PAG1: variants seen among roughly 807,000 people sequenced by gnomAD.
PAG1 encodes phosphoprotein associated with glycosphingolipid-enriched microdomains 1.
In PAG1, 23 loss-of-function variants were observed where a neutral mutation model predicts 31.7. The observed-to-expected ratio is 0.73, with a 90% CI of 0.52 to 1.03. The LOEUF (loss-of-function observed/expected upper bound fraction) is 1.03. PAG1 is among the 50% of genes least tolerant of loss of function. PAG1 has a pLI of 0.00. For missense variants in PAG1, 473 were observed against 540.7 expected (o/e 0.87, Z 1.24); for synonymous variants, 214 against 210.3 (o/e 1.02, Z -0.15).
At position 80,985,271 on chromosome 8, in the gene PAG1, A is replaced by C. The variant is rs1215990659; in HGVS notation, c.381T>G (p.Cys127Trp). Residue 127 changes from cysteine to tryptophan, a missense_variant, in exon 7 of 9, where the codon TGT becomes TGG. Transcript: ENST00000220597. ...DSQDSTGKPK[C>W]HQSRELPRIP... is the part of the protein sequence containing the mutation. ...TTCTGGGCAGCTCCCGACTCTGATG[A>C]CATTTTGGTTTCCCTGTGCTGTCCT... is the stretch of plus-strand genomic sequence containing the variant. The C allele has an allele frequency of 4.3e-6, 7 of 1,614,160 alleles. No individual in the cohort carries two copies. Among genetic ancestry groups the C allele is most frequent in the Non-Finnish European group, 5.9e-6 (7 of 1,180,038 alleles).
chr8:81,086,623 G>C (rs1809363031), intron 1 of PAG1, among the ~76,000 whole-genome samples: 1 of 152,096 alleles, frequency 6.6e-6, no homozygotes, highest in Non-Finnish European at 1.5e-5. Context: ...CCTACGTATT[G>C]ATAAGAAAAA....
At chr8:81,023,222 G>C (rs114108573) in intron 3 of PAG1, among the ~76,000 whole-genome samples, 69 of 152,152 alleles carry the variant, frequency 4.5e-4, no homozygotes, top group African/African-American at 1.6e-3. Flanking sequence ...TTATTTAACA[G>C]TGATGTGCTA....
chr8:80,992,018 C>G (rs1807560759), intron 4 of PAG1, among the ~76,000 whole-genome samples: 1 of 152,114 alleles, frequency 6.6e-6, no homozygotes, highest in Non-Finnish European at 1.5e-5. Flanking sequence ...GAAAGTCTGT[C>G]AAGTAAAAAT....
chr8:81,005,250 C>T (rs931238288), intron 3 of PAG1, among the ~76,000 whole-genome samples: 2 of 152,118 alleles, frequency 1.3e-5, no homozygotes, highest in African/African-American at 4.8e-5. Context: ...ACCTCTTTGC[C>T]TGTGGCTGGC....
chr8:80,979,603 G>A (rs951531693), intron 8 of PAG1, among the ~76,000 whole-genome samples: 2 of 152,146 alleles, frequency 1.3e-5, no homozygotes, highest in East Asian at 1.9e-4. Context: ...AACATTCAAC[G>A]TGGGTGTCTA....
At chr8:81,016,181 A>T (rs551236540) in intron 3 of PAG1, among the ~76,000 whole-genome samples, 12 of 152,332 alleles carry the variant, frequency 7.9e-5, no homozygotes, top group Admixed American at 3.9e-4. Context: ...CCCAAACTAT[A>T]AAACTGTAGA....
At position 80,991,466 on chromosome 8, in the gene PAG1, C is replaced by A. The variant is rs1340187195; in HGVS notation, c.177+13G>T. The A allele has an allele frequency of 6.2e-7, 1 of 1,606,892 alleles. No individual in the cohort carries two copies. The highest frequency in any genetic ancestry group is 8.5e-7 in the Non-Finnish European group (1 of 1,173,420). On this transcript the variant is annotated intron_variant, in intron 5 of 8. Coordinates refer to ENST00000220597, the MANE Select transcript of PAG1 (RefSeq NM_018440.4). The stretch of plus-strand genomic sequence containing the variant: ...CGCACGGACAGACAGGCAGACGACA[C>A]GCGCAGGCTCACCACGTTCATCAGG...
At position 80,974,360 on chromosome 8, in the gene PAG1, A is replaced by G. The variant is rs1807141923; in HGVS notation, c.*2184T>C. The G allele has an allele frequency of 6.6e-6, 1 of 152,210 alleles. No homozygotes were observed. The highest frequency in any genetic ancestry group is 1.5e-5 in the Non-Finnish European group (1 of 68,036). 9.4% of individuals were successfully genotyped at this position (152,210 alleles called of 1,614,324 possible). ...ATCATGTGAGAGATCGCTCAAAGTC[A>G]TTAACACAAAGCAGTGAAAATCATC... On this transcript the variant is annotated 3_prime_UTR_variant, in exon 9 of 9. Coordinates refer to ENST00000220597, the MANE Select transcript of PAG1 (RefSeq NM_018440.4).
chr8:81,094,611 T>C (rs926503457), intron 1 of PAG1, among the ~76,000 whole-genome samples: 3 of 152,194 alleles, frequency 2.0e-5, no homozygotes, highest in South Asian at 2.1e-4. Flanking sequence ...TCCAAGCTCT[T>C]CTTTGCAATA....
chr8:81,060,352 C>G (rs561960903), intron 2 of PAG1, among the ~76,000 whole-genome samples: 5 of 152,272 alleles, frequency 3.3e-5, no homozygotes, highest in Admixed American at 6.5e-5. Context: ...ACAATTAACT[C>G]TACCTAAAAG....
chr8:80,995,299 G>T (rs1306418870), intron 3 of PAG1, among the ~76,000 whole-genome samples: 1 of 152,210 alleles, frequency 6.6e-6, no homozygotes, highest in African/African-American at 2.4e-5. Flanking sequence ...GCGTAATACA[G>T]AACTTCTTTC....
chr8:81,007,636 CAAAAAAA>C (rs58612249), intron 3 of PAG1, among the ~76,000 whole-genome samples: 7 of 49,720 alleles, frequency 1.4e-4, no homozygotes, highest in Admixed American at 6.6e-4. Context: ...GACTCTGTCT[CAAAAAAA>C]AAAAAAAAAA....
intron 7 of PAG1, among the ~76,000 whole-genome samples, chr8:80,983,239 C>A (rs1807344168): frequency 6.6e-6 from 1 of 152,146 alleles, no homozygotes; most frequent in African/African-American, 2.4e-5. Context: ...AAAGCACAAA[C>A]CTCACCCCCT....
intron 1 of PAG1, among the ~76,000 whole-genome samples, chr8:81,075,325 G>A (rs1012375907): frequency 6.6e-6 from 1 of 152,234 alleles, no homozygotes; most frequent in East Asian, 1.9e-4. Flanking sequence ...AGTTGTGTAT[G>A]ACATTAGCAT....
At chr8:81,108,006 C>T (rs146902857) in intron 1 of PAG1, among the ~76,000 whole-genome samples, 36 of 152,302 alleles carry the variant, frequency 2.4e-4, no homozygotes, top group African/African-American at 7.9e-4. Context: ...GTTTGCATTT[C>T]TTTTACATGT....
chr8:81,084,857 C>A (rs1055348382), intron 1 of PAG1, among the ~76,000 whole-genome samples: 7 of 152,054 alleles, frequency 4.6e-5, no homozygotes, highest in African/African-American at 1.7e-4. Flanking sequence ...GCAAAATGTA[C>A]AGAGTGGCAA....
intron 1 of PAG1, among the ~76,000 whole-genome samples, chr8:81,078,791 C>A (rs192531896): frequency 9.9e-5 from 15 of 152,204 alleles, no homozygotes; most frequent in Non-Finnish European, 1.8e-4. Context: ...ATTATTATTC[C>A]CATTTTACAC....
chr8:81,027,663 T>C (rs1586174314), intron 3 of PAG1, among the ~76,000 whole-genome samples: 2 of 152,070 alleles, frequency 1.3e-5, no homozygotes, highest in East Asian at 3.9e-4. Flanking sequence ...CCCAGCACTT[T>C]GGGAGGCCGA....
intron 2 of PAG1, among the ~76,000 whole-genome samples, chr8:81,068,069 G>T (rs1473120444): frequency 6.6e-6 from 1 of 152,152 alleles, no homozygotes; most frequent in Non-Finnish European, 1.5e-5. Context: ...GCTAATTTTT[G>T]TATTTTTAGT....
Sources: gnomAD v4.1 joint callset for allele counts (sites outside exome capture counted in the v4.1 genomes callset) on GRCh38, gnomAD v4.1.1 for gene constraint, MANE v1.5 for transcripts, NCBI Gene and HGNC (gene_info 2026-07-23, HGNC 2026-07-21) for gene names.